MED26: variants seen among roughly 807,000 people sequenced by gnomAD.
MED26 encodes mediator of RNA polymerase II transcription subunit 26.
In MED26, 7 loss-of-function variants were observed where a neutral mutation model predicts 43.7. The observed-to-expected ratio is 0.16, with a 90% confidence interval of 0.09 to 0.30. MED26 has a LOEUF of 0.30. Ranked by LOEUF, MED26 falls within the 10% of genes least tolerant of loss-of-function variation. The probability of loss-of-function intolerance (pLI) is 1.00; values close to 1 mark genes in which losing one functional copy is unlikely to be tolerated. For missense variants in MED26, 784 were observed against 840.6 expected (o/e 0.93, Z 0.83); for synonymous variants, 375 against 371.1 (o/e 1.01, Z -0.12).
chr19:16,590,449 A>G (rs957247227), intron 1 of MED26, among the ~76,000 whole-genome samples: 1 of 152,200 alleles, frequency 6.6e-6, no homozygotes, highest in African/African-American at 2.4e-5. Flanking sequence ...CAGTGAAGAA[A>G]TGCCTCTTCT....
At chr19:16,599,988 C>T (rs915092888) in intron 1 of MED26, among the ~76,000 whole-genome samples, 2 of 152,172 alleles carry the variant, frequency 1.3e-5, no homozygotes, top group Non-Finnish European at 2.9e-5. Flanking sequence ...GATGCAAATT[C>T]TACCCTCTGC....
chr19:16,603,705 A>G (rs2086160233), intron 1 of MED26, among the ~76,000 whole-genome samples: 1 of 152,146 alleles, frequency 6.6e-6, no homozygotes, highest in African/African-American at 2.4e-5. Context: ...TCACTCTGGC[A>G]GGCCTCTTGG....
At chr19:16,578,012 G>C (rs867424566) in intron 2 of MED26, 7 of 478,480 alleles carry the variant, frequency 1.5e-5, no homozygotes, top group African/African-American at 1.4e-4. Flanking sequence ...TGCTGTGGCC[G>C]AGGCGACAGC....
intron 1 of MED26, among the ~76,000 whole-genome samples, chr19:16,598,651 C>T (rs1023462228): frequency 6.6e-5 from 10 of 152,186 alleles, no homozygotes; most frequent in African/African-American, 2.4e-4. Flanking sequence ...CCCTGCACAC[C>T]CTCTGACAAG....
chr19:16,589,699 TA>T (rs1461914021), intron 1 of MED26, among the ~76,000 whole-genome samples: 1 of 152,210 alleles, frequency 6.6e-6, no homozygotes, highest in Admixed American at 6.5e-5. Context: ...GATGTGTTCA[TA>T]AATGTTCATT....
At chr19:16,614,247 G>A (rs2086212691) in intron 1 of MED26, among the ~76,000 whole-genome samples, 1 of 152,192 alleles carries the variant, frequency 6.6e-6, no homozygotes, top group Non-Finnish European at 1.5e-5. Flanking sequence ...GTAGTGTCTG[G>A]CCCGGCGCAC....
intron 1 of MED26, among the ~76,000 whole-genome samples, chr19:16,600,650 G>C (rs556095545): frequency 6.6e-6 from 1 of 152,154 alleles, no homozygotes; most frequent in African/African-American, 2.4e-5. Context: ...AGTGTAAGAT[G>C]AGGCCTCTGG....
chr19:16,580,640 G>A (rs946736366), intron 1 of MED26, among the ~76,000 whole-genome samples: 2 of 152,046 alleles, frequency 1.3e-5, no homozygotes, highest in African/African-American at 4.8e-5. Context: ...CAAAGTGCTG[G>A]GATTACAAGC....
At chr19:16,589,247 C>T (rs965676941) in intron 1 of MED26, 2 of 152,240 alleles carry the variant, frequency 1.3e-5, no homozygotes, top group African/African-American at 4.8e-5. Context: ...AAGAAAGAGT[C>T]TGGTGACTCT....
At chr19:16,609,122 C>T (rs2086187053) in intron 1 of MED26, among the ~76,000 whole-genome samples, 1 of 151,896 alleles carries the variant, frequency 6.6e-6, no homozygotes, top group Non-Finnish European at 1.5e-5. Context: ...CAAGACCAGC[C>T]TGGCCAAAAT....
At chr19:16,612,606 A>G (rs1420665700) in intron 1 of MED26, among the ~76,000 whole-genome samples, 1 of 152,196 alleles carries the variant, frequency 6.6e-6, no homozygotes, top group African/African-American at 2.4e-5. Context: ...ATTCTAAAGT[A>G]TGTCTCTACA....
In MED26 at chr19:16,587,513, C is replaced by T. The variant is rs908372668; in HGVS notation, c.73-9104G>A. On this transcript the variant is annotated intron_variant, in intron 1 of 2. Coordinates refer to ENST00000263390, the MANE Select transcript of MED26 (RefSeq NM_004831.5). The surrounding 1 kb of genome is among the most constrained non-coding windows in gnomAD (Gnocchi z 4.9). ...TTCCTCTGAGGGGACCTCATGGGAG[C>T]CTCAAACCCCAGGGGCAAAGCCTCA... The T allele has an allele frequency of 1.3e-5, 2 of 152,266 alleles. No individual in the cohort carries two copies. Among genetic ancestry groups the T allele is most frequent in the Non-Finnish European group, 2.9e-5 (2 of 68,080 alleles). 9.4% of individuals were successfully genotyped at this position (152,266 alleles called of 1,614,324 possible).
intron 1 of MED26, among the ~76,000 whole-genome samples, chr19:16,601,663 G>A (rs949706393): frequency 2.1e-4 from 32 of 152,352 alleles, no homozygotes; most frequent in South Asian, 6.2e-4. Flanking sequence ...GAGGACACCT[G>A]GAGAGTAAGC....
chr19:16,617,929 C>A (rs1409034406), intron 1 of MED26, among the ~76,000 whole-genome samples: 1 of 152,156 alleles, frequency 6.6e-6, no homozygotes, highest in Non-Finnish European at 1.5e-5. Context: ...CACGGCCAGG[C>A]AAAAGGGGGA....
chr19:16,618,977 C>T (rs1013290312), intron 1 of MED26, among the ~76,000 whole-genome samples: 1 of 152,178 alleles, frequency 6.6e-6, no homozygotes, highest in Non-Finnish European at 1.5e-5. Flanking sequence ...ACAGAAAAAC[C>T]AGGTCCTCAC....
chr19:16,615,588 A>C (rs1464181688), intron 1 of MED26, among the ~76,000 whole-genome samples: 1 of 152,056 alleles, frequency 6.6e-6, no homozygotes, highest in Non-Finnish European at 1.5e-5. Flanking sequence ...TTCTACTAAA[A>C]ATACAAAATT....
intron 1 of MED26, among the ~76,000 whole-genome samples, chr19:16,581,768 G>T (rs1456743373): frequency 6.6e-6 from 1 of 152,270 alleles, no homozygotes; most frequent in African/African-American, 2.4e-5. Context: ...CCCTGTGACT[G>T]TGTATCCTTA....
At chr19:16,608,914 G>A (rs141522010) in intron 1 of MED26, among the ~76,000 whole-genome samples, 1 of 152,330 alleles carries the variant, frequency 6.6e-6, no homozygotes, top group East Asian at 1.9e-4. Context: ...TGTCATGCCT[G>A]AAGTCATTAC....
At chr19:16,579,917 T>G (rs1319983596) in intron 1 of MED26, among the ~76,000 whole-genome samples, 1 of 152,240 alleles carries the variant, frequency 6.6e-6, no homozygotes, top group Non-Finnish European at 1.5e-5. Flanking sequence ...CTTTTCTGAC[T>G]TAATGTCAGC....
Sources: gnomAD v4.1 joint callset for allele counts (sites outside exome capture counted in the v4.1 genomes callset) on GRCh38, gnomAD v4.1.1 for gene constraint, Gnocchi (gnomAD v3.1) non-coding constraint, MANE v1.5 for transcripts, NCBI Gene and HGNC (gene_info 2026-07-23, HGNC 2026-07-21) for gene names.